Variants in CFAP57 observed in about 807,000 individuals in gnomAD.
CFAP57 encodes the protein cilia and flagella associated protein 57, also known as cilia- and flagella-associated protein 57.
In CFAP57, 116 loss-of-function variants were observed where a neutral mutation model predicts 146.8. The ratio of observed to expected loss-of-function variants is 0.79; its 90% confidence interval spans 0.68 to 0.92. The LOEUF is 0.92. Among genes scored for constraint, CFAP57 ranks in the 40% least tolerant of loss-of-function variants. CFAP57 has a pLI of 0.00. For missense variants in CFAP57, 1,377 were observed against 1,527.2 expected (o/e 0.90, Z 1.64); for synonymous variants, 518 against 552.8 (o/e 0.94, Z 0.88).
chr1:43,237,480 C>A (rs1645749213), intron 21 of CFAP57, among the ~76,000 whole-genome samples: 1 of 152,162 alleles, frequency 6.6e-6, no homozygotes, highest in African/African-American at 2.4e-5. Context: ...TCATTGGGAA[C>A]CTGGACCAGA....
chr1:43,238,027 A>G lies in CFAP57; in HGVS notation c.3405+3389A>G, dbSNP rs1645769563. On this transcript the variant is annotated intron_variant, in intron 21 of 22. Transcript: ENST00000372492. This position sits in a 1 kb window ranked among gnomAD's most constrained non-coding sequence, Gnocchi z 4.3. ...GAAAGGGGAAAGTTGTGGTGTCAAA[A>G]GGCATTTCAGAGTAGAAATGACAAA... is the stretch of plus-strand genomic sequence containing the variant. Among the ~76,000 whole-genome samples, 1 of 152,230 alleles carries G rather than the reference A, an allele frequency of 6.6e-6. No homozygotes were observed. Among genetic ancestry groups the G allele is most frequent in the Non-Finnish European group, 1.5e-5 (1 of 68,046 alleles).
At position 43,254,160 on chromosome 1, in the gene CFAP57, C is replaced by T. The variant is rs537854344; in HGVS notation, c.3722C>T (p.Ser1241Phe). ...GTTCGGCTTCCTTCCCTCTCCAACT[C>T]CGAGGTAGACTTAGAGGTGAAGACC... is the stretch of plus-strand genomic sequence containing the variant. ...AGVRLPSLSN[S>F]EVDLEVKTN The change falls in exon 23 of 23, where the codon TCC (serine) becomes TTC (phenylalanine). Residue 1241 changes from serine (S) to phenylalanine (F), a missense_variant. By Grantham distance (155) the Ser-to-Phe change is radical. Transcript: ENST00000372492. The T allele has an allele frequency of 8.4e-6, 13 of 1,550,486 alleles. No individual in the cohort carries two copies. The highest frequency in any genetic ancestry group is 8.2e-5 in the African/African-American group (6 of 73,148).
intron 10 of CFAP57, among the ~76,000 whole-genome samples, chr1:43,208,960 T>A (rs1481513519): frequency 6.6e-6 from 1 of 152,216 alleles, no homozygotes; most frequent in East Asian, 1.9e-4. Context: ...GTGAGTACCA[T>A]ACTGTGAGTA....
At chr1:43,174,575 T>C (rs943233243) in intron 2 of CFAP57, among the ~76,000 whole-genome samples, 2 of 152,218 alleles carry the variant, frequency 1.3e-5, no homozygotes, top group Admixed American at 1.3e-4. Context: ...TCCAGCACTT[T>C]GGGAGGCCAA....
At chr1:43,186,056 G>A (rs969328512) in intron 5 of CFAP57, among the ~76,000 whole-genome samples, 2 of 151,442 alleles carry the variant, frequency 1.3e-5, no homozygotes, top group Admixed American at 1.3e-4. Context: ...TCCAGCCTGG[G>A]TGACAGAGCA....
At chr1:43,220,220 T>G (rs1201641275) in intron 13 of CFAP57, among the ~76,000 whole-genome samples, 3 of 152,186 alleles carry the variant, frequency 2.0e-5, no homozygotes, top group African/African-American at 7.2e-5. Context: ...GAATTATGAT[T>G]AGGAGAAACT....
intron 17 of CFAP57, among the ~76,000 whole-genome samples, chr1:43,226,545 T>A (rs560325621): frequency 6.6e-6 from 1 of 152,338 alleles, no homozygotes; most frequent in East Asian, 1.9e-4. Context: ...TTGGCCTTTT[T>A]TGGCCTAGCC....
chr1:43,212,029 T>A (rs1283811332), intron 11 of CFAP57, among the ~76,000 whole-genome samples: 3 of 152,252 alleles, frequency 2.0e-5, no homozygotes, highest in Non-Finnish European at 2.9e-5. Flanking sequence ...TTTTAACTTT[T>A]TATCTTGAAA....
intron 3 of CFAP57, 116 bp downstream of exon 3, chr1:43,181,966 TACA>T (rs1645429733): frequency 8.4e-7 from 1 of 1,197,296 alleles, no homozygotes; most frequent in South Asian, 1.3e-5. Flanking sequence ...AATTTATTCT[TACA>T]ACAACCGTAT....
Position 43,181,594 on chromosome 1 carries a change from C to G in CFAP57, c.218C>G (p.Ala73Gly). The change falls in exon 3 of 23, where the codon GCT becomes GGT. Residue 73 changes from alanine to glycine, a missense_variant. Transcript: ENST00000372492. ...ATCAGTCCCAATCGGCGGTACCTCG[C>G]TATCTCTGAGACTGTGCAAGAAAAA... is the stretch of plus-strand genomic sequence containing the variant. ...LSISPNRRYLAISETVQEKPA... is the reference protein window; with the variant it reads ...LSISPNRRYLGISETVQEKPA... The G allele has an allele frequency of 6.2e-7, 1 of 1,614,236 alleles. No individual in the cohort carries two copies. Among genetic ancestry groups the G allele is most frequent in the African/African-American group, 1.3e-5 (1 of 75,060 alleles).
At chr1:43,236,323 G>A (rs1482187277) in intron 21 of CFAP57, among the ~76,000 whole-genome samples, 1 of 152,024 alleles carries the variant, frequency 6.6e-6, no homozygotes, top group Non-Finnish European at 1.5e-5. Flanking sequence ...ACTGCTTGCT[G>A]CTAACAGTGG....
intron 11 of CFAP57, among the ~76,000 whole-genome samples, chr1:43,212,177 G>A (rs1267274615): frequency 6.6e-6 from 1 of 152,148 alleles, no homozygotes; most frequent in Non-Finnish European, 1.5e-5. Flanking sequence ...CACAGTGTAT[G>A]TAGTTCTGAA....
At chr1:43,227,210 G>A in intron 18 of CFAP57, 84 bp downstream of exon 18, 2 of 1,370,682 alleles carry the variant, frequency 1.5e-6, no homozygotes, top group Non-Finnish European at 1.9e-6. Flanking sequence ...AGGGACTGAG[G>A]AGAAGCTCTT....
At chr1:43,184,056 A>G (rs893065146) in intron 4 of CFAP57, among the ~76,000 whole-genome samples, 179 bp downstream of exon 4, 2 of 152,250 alleles carry the variant, frequency 1.3e-5, no homozygotes, top group African/African-American at 2.4e-5. Flanking sequence ...AGTTATAACC[A>G]TAGACTAAAT....
At chr1:43,207,295 G>T (rs1644399757) in intron 10 of CFAP57, among the ~76,000 whole-genome samples, 1 of 152,168 alleles carries the variant, frequency 6.6e-6, no homozygotes, top group Non-Finnish European at 1.5e-5. Flanking sequence ...CCTAACTACG[G>T]TATGCACTGA....
intron 11 of CFAP57, chr1:43,210,406 A>G (rs936693070): frequency 3.3e-6 from 4 of 1,202,448 alleles, no homozygotes; most frequent in Admixed American, 4.0e-5. Context: ...TTCAACAGTC[A>G]AAATGTGGAA....
At position 43,247,029 on chromosome 1, in the gene CFAP57, C is replaced by T. The variant is rs561025536; in HGVS notation, c.3538+3670C>T. Among the ~76,000 whole-genome samples, 15 of 152,356 alleles carry T rather than the reference C, an allele frequency of 9.8e-5. No homozygotes were observed. In the South Asian group the frequency reaches 1.7e-3, roughly 17 times the overall value. ...GGAAAAGATCTAAAACCAACACAAACTATTGATTCAAGTGACTCACACTAG... is the reference window on the plus strand; with the variant it reads ...GGAAAAGATCTAAAACCAACACAAATTATTGATTCAAGTGACTCACACTAG... On this transcript the variant is annotated intron_variant, in intron 22 of 22. Transcript: ENST00000372492.
At chr1:43,199,334 T>A (rs1217006916) in intron 8 of CFAP57, 56 bp from the exon 9 acceptor site, 1 of 1,546,328 alleles carries the variant, frequency 6.5e-7, no homozygotes, top group Non-Finnish European at 8.9e-7. Context: ...GACTGTAACC[T>A]CTAATTAGAC....
intron 5 of CFAP57, 111 bp from the exon 6 acceptor site, chr1:43,186,596 G>GCGAGACTC: frequency 1.7e-6 from 2 of 1,209,240 alleles, no homozygotes; most frequent in East Asian, 4.9e-5. Flanking sequence ...GGGCAAAAGA[G>GCGAGACTC]CGAGACTCCG....
Sources: gnomAD v4.1 joint callset for allele counts (sites outside exome capture counted in the v4.1 genomes callset) on GRCh38, gnomAD v4.1.1 for gene constraint, Gnocchi (gnomAD v3.1) non-coding constraint, MANE v1.5 for transcripts, NCBI Gene and HGNC (gene_info 2026-07-23, HGNC 2026-07-21) for gene names.